The following ITGAL variants were observed in gnomAD, a reference collection of about 807,000 sequenced individuals.
ITGAL encodes integrin subunit alpha L.
ITGAL carries 68 observed loss-of-function variants against 138.4 expected under a neutral mutation model. The ratio of observed to expected loss-of-function variants is 0.49; its 90% CI spans 0.40 to 0.60. The LOEUF (loss-of-function observed/expected upper bound fraction) is 0.60, where lower values mean the gene tolerates loss of function less well. Among genes scored for constraint, ITGAL ranks in the 20% least tolerant of loss-of-function variants. The pLI, the probability that ITGAL is intolerant of heterozygous loss-of-function variation, is 0.00. For synonymous variants in ITGAL, 561 were observed against 584.3 expected, an observed-to-expected ratio of 0.96 and a Z score of 0.57; for missense variants, 1,256 against 1,478.6, an observed-to-expected ratio of 0.85 and a Z score of 2.47.
chr16:30,521,324 T>C (rs989419590), intron 30 of ITGAL, among the ~76,000 whole-genome samples, 168 bp from the exon 31 acceptor site: 1 of 151,802 alleles, frequency 6.6e-6, no homozygotes, highest in Non-Finnish European at 1.5e-5. Context: ...AGAGAATTGC[T>C]TAAGTCTGGG....
chr16:30,504,129 G>A (rs1402866598), intron 17 of ITGAL, 46 bp from the exon 18 acceptor site: 4 of 1,439,878 alleles, frequency 2.8e-6, no homozygotes, highest in Non-Finnish European at 3.9e-6. Flanking sequence ...CGGAAGTGCG[G>A]TAAAAGTTAG....
rs57722064 is a variant in ITGAL, at chr16:30,506,558, C to CAAAAA, written c.2367-125_2367-121dup. Among the ~76,000 whole-genome samples the CAAAAA allele has an allele frequency of 1.9e-4, 9 of 47,940 alleles. 1 individual carries two copies. The highest frequency in any genetic ancestry group is 2.4e-4 in the Non-Finnish European group (7 of 28,794). 31.5% of individuals were successfully genotyped at this position (47,940 alleles called of 152,430 possible). On this transcript the variant is annotated intron_variant, in intron 20 of 30. Transcript: ENST00000356798. ...TGGGTGACAGAGTGAGACTCCATCT[C>CAAAAA]AAAAAAAAAAAAAAAAAAAAAAAAA...
intron 11 of ITGAL, among the ~76,000 whole-genome samples, chr16:30,490,918 C>T (rs1211656992): frequency 1.3e-5 from 2 of 148,588 alleles, no homozygotes; most frequent in South Asian, 2.1e-4. Flanking sequence ...TACAGTGAGC[C>T]GAGATTGCAC....
At chr16:30,516,500 G>T (rs1023508967) in intron 25 of ITGAL, among the ~76,000 whole-genome samples, 4 of 152,056 alleles carry the variant, frequency 2.6e-5, no homozygotes, top group African/African-American at 7.2e-5. Flanking sequence ...AAAGTGCTGG[G>T]ATTACAGGTG....
At chr16:30,474,042 T>C (rs778327782) in intron 1 of ITGAL, 154 bp from the exon 2 acceptor site, 2 of 702,276 alleles carry the variant, frequency 2.8e-6, no homozygotes, top group South Asian at 1.5e-5. Context: ...AGTTGCTCCT[T>C]CCATATTCCC....
In ITGAL at chr16:30,504,190, C is replaced by T. The variant is rs776112031; in HGVS notation, c.2161C>T (p.Leu721Phe). 5 of 1,613,202 alleles carry T rather than the reference C, an allele frequency of 3.1e-6. No homozygotes were observed. The South Asian group carries it at 4.4e-5, about 14-fold the overall frequency. Residue 721 changes from leucine to phenylalanine, a missense_variant, in exon 18 of 31, where the codon CTC becomes TTC. Leu to Phe is a conservative substitution (Grantham distance 22). Coordinates refer to ENST00000356798, the MANE Select transcript of ITGAL (RefSeq NM_002209.3). ...SFHFPVCVQD[L>F]ISPINVSLNF... ...TCACCCTCAGGTATGTGTTCAAGAC[C>T]TCATCTCCCCCATCAATGTTTCCCT...
intron 11 of ITGAL, among the ~76,000 whole-genome samples, chr16:30,491,617 G>A (rs908991145): frequency 1.5e-4 from 23 of 151,882 alleles, no homozygotes; most frequent in Non-Finnish European, 1.0e-4. Flanking sequence ...CACACCCCAT[G>A]AGATTGGTAC....
chr16:30,494,826 G>A lies in ITGAL; in HGVS notation c.1479G>A (p.Arg493=). Residue 493 remains arginine, a synonymous_variant, in exon 13 of 31, where the codon CGG becomes CGA. Transcript: ENST00000356798. This position sits in a 1 kb window ranked among gnomAD's most constrained non-coding sequence, Gnocchi z 4.2. Reference sequence around the variant, plus strand: ...TCTATGGGGAGCAGAGAGGAGGCCGGGTGTTTATCTACCAGAGAAGACAGG... The same window carrying A: ...TCTATGGGGAGCAGAGAGGAGGCCGAGTGTTTATCTACCAGAGAAGACAGG... ...PLFYGEQRGG[R]VFIYQRRQLG... is the part of the protein sequence containing the mutation. 1 of 1,605,258 alleles carries A rather than the reference G, an allele frequency of 6.2e-7. No homozygotes were observed. Among genetic ancestry groups the A allele is most frequent in the Non-Finnish European group, 8.5e-7 (1 of 1,173,814 alleles).
At chr16:30,510,292 G>A (rs1219785492) in intron 21 of ITGAL, 69 bp from the exon 22 acceptor site, 34 of 879,128 alleles carry the variant, frequency 3.9e-5, no homozygotes, top group Middle Eastern at 4.3e-4. Flanking sequence ...TAGGCCAGGA[G>A]GGCTGGTGGC....
chr16:30,476,643 T>TC (rs1454812097), intron 4 of ITGAL, among the ~76,000 whole-genome samples: 1 of 151,850 alleles, frequency 6.6e-6, no homozygotes, highest in African/African-American at 2.4e-5. Flanking sequence ...CTTTTTTTTT[T>TC]TTTTTTGAGA....
At chr16:30,485,851 C>T (rs2050640222) in intron 9 of ITGAL, among the ~76,000 whole-genome samples, 2 of 152,212 alleles carry the variant, frequency 1.3e-5, no homozygotes, top group South Asian at 4.1e-4. Flanking sequence ...ATATTTCTTT[C>T]TGAAATTCCA....
chr16:30,501,818 C>A (rs1470095861), intron 17 of ITGAL, among the ~76,000 whole-genome samples: 1 of 151,890 alleles, frequency 6.6e-6, no homozygotes, highest in Non-Finnish European at 1.5e-5. Flanking sequence ...ATTGCTTGAG[C>A]TTAGGAGTTC....
intron 28 of ITGAL, 70 bp downstream of exon 28, chr16:30,517,965 C>A (rs2051195696): frequency 8.1e-7 from 1 of 1,228,972 alleles, no homozygotes; most frequent in Non-Finnish European, 1.2e-6. Flanking sequence ...TGTGGGTGGG[C>A]TCCCACCAGA....
At position 30,483,946 on chromosome 16, in the gene ITGAL, G is replaced by T. The variant is rs746821298; in HGVS notation, c.842G>T (p.Arg281Leu). Residue 281 changes from arginine (R) to leucine (L), a missense_variant, in exon 8 of 31, where the codon CGC becomes CTC. This residue lies in a region of ITGAL where 177 missense variants were observed against 288.8 expected (regional missense o/e 0.61). Transcript: ENST00000356798. ...ATCGATGCGGCCAAAGACATCATCC[G>T]CTACATCATCGGGGTAGGGCCCCTG... ...GNIDAAKDII[R>L]YIIGIGKHFQ... is the part of the protein sequence containing the mutation. 6.2e-7 allele frequency: 1 copy of T among 1,613,312 alleles called. No homozygotes were observed. Among genetic ancestry groups the T allele is most frequent in the Non-Finnish European group, 8.5e-7 (1 of 1,179,370 alleles).
Position 30,499,241 on chromosome 16 carries a change from G to C in ITGAL, c.1993+7G>C, listed in dbSNP as rs752390102. On this transcript the variant is annotated splice_region_variant and intron_variant, in intron 16 of 30. Coordinates refer to ENST00000356798, the MANE Select transcript of ITGAL (RefSeq NM_002209.3). The stretch of plus-strand genomic sequence containing the variant: ...CTCATCCCCCAGTTCCAAGGTCAGA[G>C]CTCTCCTCCTGCTCCCAGGGCAGCT... 5 of 1,613,992 alleles carry C rather than the reference G, an allele frequency of 3.1e-6. 1 individual carries two copies. The Middle Eastern group carries it at 6.6e-4, about 213-fold the overall frequency.
In ITGAL at chr16:30,474,310, C is replaced by G; in HGVS notation, c.164+12C>G. ...CAGGTCGGAAACGGGTGAGCTGTGC[C>G]CCACAAGTCCTCCTCCTGATGCCCG... On this transcript the variant is annotated intron_variant, in intron 2 of 30. Transcript: ENST00000356798. 6.3e-7 allele frequency: 1 copy of G among 1,576,434 alleles called. No individual in the cohort carries two copies. The highest frequency in any genetic ancestry group is 8.7e-7 in the Non-Finnish European group (1 of 1,155,410).
intron 26 of ITGAL, 80 bp downstream of exon 26, chr16:30,517,166 C>A: frequency 1.0e-6 from 1 of 957,232 alleles, no homozygotes; most frequent in Non-Finnish European, 1.6e-6. Context: ...GAGGGCAGGG[C>A]TTGGCCAGGT....
At chr16:30,497,688 A>C (rs539305153) in intron 15 of ITGAL, among the ~76,000 whole-genome samples, 22 of 151,572 alleles carry the variant, frequency 1.5e-4, no homozygotes, top group Non-Finnish European at 2.5e-4. Flanking sequence ...CATGTTGGCC[A>C]GGCTGGTTTT....
chr16:30,513,797 G>A lies in ITGAL; in HGVS notation c.2813G>A (p.Ser938Asn), dbSNP rs2051125995. The change falls in exon 25 of 31, where the codon AGT (serine) becomes AAT (asparagine). Residue 938 changes from serine (S) to asparagine (N), a missense_variant. Ser to Asn is a conservative substitution (Grantham distance 46). Transcript: ENST00000356798. ...QDQEDSTLYV[S>N]FTPKGPKIHQ... ...CAAGAAGACTCCACACTCTATGTCA[G>A]TTTCACCCCCAAAGGCCCCAAGATC... The A allele has an allele frequency of 1.2e-6, 2 of 1,613,876 alleles. No individual in the cohort carries two copies. The highest frequency in any genetic ancestry group is 2.2e-5 in the East Asian group (1 of 44,890).
Sources: gnomAD v4.1 joint callset for allele counts (sites outside exome capture counted in the v4.1 genomes callset) on GRCh38, gnomAD v4.1.1 for gene constraint, gnomAD v4.1.1 regional missense constraint, Gnocchi (gnomAD v3.1) non-coding constraint, MANE v1.5 for transcripts, NCBI Gene and HGNC (gene_info 2026-07-23, HGNC 2026-07-21) for gene names.